TACO1: variants seen among roughly 807,000 people sequenced by gnomAD.
The protein encoded by TACO1 is translational activator of cytochrome c oxidase I.
TACO1 carries 13 observed loss-of-function variants against 24.0 expected under a neutral mutation model. That is an observed-to-expected ratio of 0.54 (90% CI 0.35 to 0.86). The LOEUF (loss-of-function observed/expected upper bound fraction) is 0.86. TACO1 is among the 40% of genes least tolerant of loss of function. TACO1 has a pLI of 0.01. For synonymous variants in TACO1, 149 were observed against 153.5 expected, an observed-to-expected ratio of 0.97 and a Z score of 0.22; for missense variants, 352 against 380.1, an observed-to-expected ratio of 0.93 and a Z score of 0.61.
In TACO1 at chr17:63,607,810, T is replaced by C. The variant is rs747709127; in HGVS notation, c.702T>C (p.Cys234=). 6.2e-7 allele frequency: 1 copy of C among 1,614,080 alleles called. No individual in the cohort carries two copies. Among genetic ancestry groups the C allele is most frequent in the East Asian group, 2.2e-5 (1 of 44,884 alleles). ...CTTTCCTTTATCCCTAGTTTATTTG[T>C]GATGCCTCTTCACTGCACCAAGTGA... is the stretch of plus-strand genomic sequence containing the variant. ...EEERNVFKFI[C]DASSLHQVRK... The change falls in exon 5 of 5, where the codon TGT becomes TGC. Residue 234 remains cysteine (C), a synonymous_variant. Coordinates refer to ENST00000258975, the MANE Select transcript of TACO1 (RefSeq NM_016360.4).
At chr17:63,606,919 A>G in intron 3 of TACO1, 1 of 383,896 alleles carries the variant, frequency 2.6e-6, no homozygotes, top group South Asian at 2.3e-5. Context: ...TTCTACTAGC[A>G]GGATCCCAAA....
Position 63,606,466 on chromosome 17 carries a change from T to C in TACO1, c.515+26T>C. 1.9e-6 allele frequency: 3 copies of C among 1,613,776 alleles called. No individual in the cohort carries two copies. The South Asian group carries it at 3.3e-5, about 18-fold the overall frequency. On this transcript the variant is annotated intron_variant, in intron 3 of 4. Coordinates refer to ENST00000258975, the MANE Select transcript of TACO1 (RefSeq NM_016360.4). ...GTAAGTGTGCGTCTGGGAGGAGTGG[T>C]AGGGGACAGAGCCTTTATGTTCCAA...
chr17:63,607,130 C>A, intron 3 of TACO1, 157 bp from the exon 4 acceptor site: 1 of 738,508 alleles, frequency 1.4e-6, no homozygotes, highest in Non-Finnish European at 2.4e-6. Context: ...CCTTACCCAG[C>A]AGCAGCTGCA....
intron 1 of TACO1, 44 bp downstream of exon 1, chr17:63,601,407 T>C: frequency 6.2e-7 from 1 of 1,602,908 alleles, no homozygotes; most frequent in Non-Finnish European, 8.5e-7. Flanking sequence ...CGCTGCCCTC[T>C]CAGTGCCCGC....
chr17:63,607,612 G>T, intron 4 of TACO1, 148 bp downstream of exon 4: 1 of 966,632 alleles, frequency 1.0e-6, no homozygotes, highest in Non-Finnish European at 1.6e-6. Context: ...AGTGAATACT[G>T]AATAGGACCG....
Position 63,607,448 on chromosome 17 carries a change from A to T in TACO1, c.677A>T (p.Glu226Val). The T allele has an allele frequency of 6.2e-7, 1 of 1,614,200 alleles. No homozygotes were observed. The highest frequency in any genetic ancestry group is 8.5e-7 in the Non-Finnish European group (1 of 1,180,026). The change falls in exon 4 of 5, where the codon GAA (glutamate) becomes GTA (valine). Residue 226 changes from glutamate to valine, a missense_variant. Transcript: ENST00000258975. ...GTCAAGGAAACTGAAGATGAAGAAGAAAGGAACGTTTTTAAAGTAAGCATG... is the reference window on the plus strand; with the variant it reads ...GTCAAGGAAACTGAAGATGAAGAAGTAAGGAACGTTTTTAAAGTAAGCATG... ...EDVKETEDEE[E>V]RNVFKFICDA...
chr17:63,607,457 T>C lies in TACO1; in HGVS notation c.686T>C (p.Val229Ala). ...KETEDEEERN[V>A]FKFICDASSL... ...ACTGAAGATGAAGAAGAAAGGAACG[T>C]TTTTAAAGTAAGCATGAAAACATGG... Residue 229 changes from valine to alanine, a missense_variant, in exon 4 of 5, where the codon GTT (valine) becomes GCT (alanine). By Grantham distance (64) the Val-to-Ala change is moderately conservative (BLOSUM62 0). Coordinates refer to ENST00000258975, the MANE Select transcript of TACO1 (RefSeq NM_016360.4). The C allele has an allele frequency of 6.2e-7, 1 of 1,614,104 alleles. No individual in the cohort carries two copies. The highest frequency in any genetic ancestry group is 1.6e-4 in the Middle Eastern group (1 of 6,062).
chr17:63,601,573 G>A (rs576294479), intron 1 of TACO1, among the ~76,000 whole-genome samples: 9 of 152,330 alleles, frequency 5.9e-5, no homozygotes, highest in African/African-American at 1.7e-4. Flanking sequence ...CTGAGCATCT[G>A]GCCAGTTTGT....
chr17:63,603,433 C>T (rs563419764), intron 1 of TACO1, among the ~76,000 whole-genome samples: 5 of 152,194 alleles, frequency 3.3e-5, no homozygotes, highest in South Asian at 4.1e-4. Context: ...TGGCCAGGCA[C>T]GGTGCCTCAT....
Position 63,607,785 on chromosome 17 carries a change from CTT to C in TACO1, c.694-15_694-14del. 1 of 1,612,978 alleles carries C rather than the reference CTT, an allele frequency of 6.2e-7. No homozygotes were observed. Among genetic ancestry groups the C allele is most frequent in the Non-Finnish European group, 8.5e-7 (1 of 1,179,632 alleles). On this transcript the variant is annotated splice_polypyrimidine_tract_variant and intron_variant, in intron 4 of 4. Transcript: ENST00000258975. ...TACCTCCTGGCTCCTCACCTCCTGA[CTT>C]TCCTTTATCCCTAGTTTATTTGTGA...
chr17:63,600,969 C>A lies in TACO1; in HGVS notation c.-115C>A. ...CCCGGGCGGGCCCAAGCCTTTGGAT[C>A]TCAGGTGACCGGCACAGGCGGCCGC... is the stretch of plus-strand genomic sequence containing the variant. On this transcript the variant is annotated 5_prime_UTR_variant, in exon 1 of 5. Coordinates refer to ENST00000258975, the MANE Select transcript of TACO1 (RefSeq NM_016360.4). 2 of 1,280,130 alleles carry A rather than the reference C, an allele frequency of 1.6e-6. No homozygotes were observed. The highest frequency in any genetic ancestry group is 2.2e-6 in the Non-Finnish European group (2 of 922,520). 79.3% of individuals were successfully genotyped at this position (1,280,130 alleles called of 1,614,324 possible).
rs568710937 is a variant in TACO1 at position 63,604,992 on chromosome 17, C to T, written c.387+352C>T. Among the ~76,000 whole-genome samples, 15 of 149,080 alleles carry T rather than the reference C, an allele frequency of 1.0e-4. No homozygotes were observed. In the South Asian group the frequency reaches 2.5e-3, roughly 25 times the overall value. ...TTGCACCACTGCACTCCAGCCTGGG[C>T]GACAGAGCGAGACTCTGTCTCAAAA... On this transcript the variant is annotated intron_variant, in intron 2 of 4. Coordinates refer to ENST00000258975, the MANE Select transcript of TACO1 (RefSeq NM_016360.4).
At chr17:63,607,745 G>A in intron 4 of TACO1, 57 bp from the exon 5 acceptor site, 6 of 1,521,016 alleles carry the variant, frequency 3.9e-6, no homozygotes, top group South Asian at 1.1e-5. Flanking sequence ...AAGGTCCTGT[G>A]TGGCTTTGTC....
In TACO1 at chr17:63,601,219, C is replaced by T. The variant is rs1315576467; in HGVS notation, c.136C>T (p.Pro46Ser). 6 of 1,592,036 alleles carry T rather than the reference C, an allele frequency of 3.8e-6. No individual in the cohort carries two copies. The highest frequency in any genetic ancestry group is 4.5e-5 in the East Asian group (2 of 43,988). ...CGAGCCCCGGGGCTGCGGTGCCGCT[C>T]CGGGCAGGACGCTGCACTTTACCGC... ...HPEPRGCGAAPGRTLHFTAAV... is the reference protein window; with the variant it reads ...HPEPRGCGAASGRTLHFTAAV... The change falls in exon 1 of 5, where the codon CCG (proline) becomes TCG (serine). Residue 46 changes from proline (P) to serine (S), a missense_variant. Coordinates refer to ENST00000258975, the MANE Select transcript of TACO1 (RefSeq NM_016360.4).
chr17:63,607,835 A>G lies in TACO1; in HGVS notation c.727A>G (p.Arg243Gly). Residue 243 changes from arginine to glycine, a missense_variant, in exon 5 of 5, where the codon AGG becomes GGG. Transcript: ENST00000258975. Reference protein sequence around the residue: ...ICDASSLHQVRKKLDSLGLCS... With the variant: ...ICDASSLHQVGKKLDSLGLCS... ...TGATGCCTCTTCACTGCACCAAGTG[A>G]GGAAGAAGCTGGACTCCCTGGGCCT... The G allele has an allele frequency of 6.2e-7, 1 of 1,614,072 alleles. No individual in the cohort carries two copies. Among genetic ancestry groups the G allele is most frequent in the Non-Finnish European group, 8.5e-7 (1 of 1,180,022 alleles).
rs761960877 is a variant in TACO1 at position 63,607,964 on chromosome 17, C to G, written c.856C>G (p.His286Asp). Residue 286 changes from histidine (H) to aspartate (D), a missense_variant, in exon 5 of 5, where the codon CAC becomes GAC. Physicochemically the swap from His to Asp is moderately conservative, Grantham distance 81. Transcript: ENST00000258975. The stretch of plus-strand genomic sequence containing the variant: ...ACATCTCATTCAGGCTCTCAGCAAC[C>G]ACGAGGATGTGATTCACGTCTATGA... ...AAHLIQALSNHEDVIHVYDNI... is the reference protein window; with the variant it reads ...AAHLIQALSNDEDVIHVYDNI... 1.2e-6 allele frequency: 2 copies of G among 1,614,206 alleles called. No individual in the cohort carries two copies. Among genetic ancestry groups the G allele is most frequent in the Admixed American group, 1.7e-5 (1 of 60,022 alleles).
chr17:63,601,037 GGC>G lies in TACO1; in HGVS notation c.-45_-44del. On this transcript the variant is annotated 5_prime_UTR_variant, in exon 1 of 5. Coordinates refer to ENST00000258975, the MANE Select transcript of TACO1 (RefSeq NM_016360.4). ...GTTCCGGCAGTGGAAGAGACGCGCC[GGC>G]GTTGGCCGCTGCTGCTAGCAGCTTG... 6.5e-7 allele frequency: 1 copy of G among 1,533,660 alleles called. No individual in the cohort carries two copies. Among genetic ancestry groups the G allele is most frequent in the Non-Finnish European group, 8.7e-7 (1 of 1,144,492 alleles).
At position 63,606,433 on chromosome 17, in the gene TACO1, A is replaced by G; in HGVS notation, c.508A>G (p.Lys170Glu). 6.2e-7 allele frequency: 1 copy of G among 1,614,186 alleles called. No individual in the cohort carries two copies. The highest frequency in any genetic ancestry group is 8.5e-7 in the Non-Finnish European group (1 of 1,179,996). The change falls in exon 3 of 5, where the codon AAG becomes GAG. Residue 170 changes from lysine (K) to glutamate (E), a missense_variant. Coordinates refer to ENST00000258975, the MANE Select transcript of TACO1 (RefSeq NM_016360.4). Reference protein sequence around the residue: ...CQADIRHILNKNGGVMAVGAR... With the variant: ...CQADIRHILNENGGVMAVGAR... ...AGCAGACATTAGACATATCCTGAAT[A>G]AGAATGGGTAAGTGTGCGTCTGGGA...
Position 63,601,007 on chromosome 17 carries a change from T to C in TACO1, c.-77T>C. 1 of 1,500,246 alleles carries C rather than the reference T, an allele frequency of 6.7e-7. No homozygotes were observed. Among genetic ancestry groups the C allele is most frequent in the Non-Finnish European group, 9.0e-7 (1 of 1,116,668 alleles). 92.9% of individuals were successfully genotyped at this position (1,500,246 alleles called of 1,614,324 possible). ...CACAGGCGGCCGCGGGGTCCGGAACTGCTTGTTCCGGCAGTGGAAGAGACG... is the reference window on the plus strand; with the variant it reads ...CACAGGCGGCCGCGGGGTCCGGAACCGCTTGTTCCGGCAGTGGAAGAGACG... On this transcript the variant is annotated 5_prime_UTR_variant, in exon 1 of 5. Coordinates refer to ENST00000258975, the MANE Select transcript of TACO1 (RefSeq NM_016360.4).
Sources: allele counts gnomAD v4.1 joint callset (sites outside exome capture counted in the v4.1 genomes callset), GRCh38; gene constraint gnomAD v4.1.1; transcripts MANE v1.5; gene names NCBI Gene and HGNC (gene_info 2026-07-23, HGNC 2026-07-21).